GLI2: variants seen among roughly 807,000 people sequenced by gnomAD.
The protein encoded by GLI2 is GLI family zinc finger 2.
GLI2 carries 22 observed loss-of-function variants against 78.9 expected under a neutral mutation model. That is an observed-to-expected ratio of 0.28 (90% CI 0.20 to 0.40). GLI2 has a LOEUF of 0.40. Ranked by LOEUF, GLI2 falls within the 10% of genes least tolerant of loss-of-function variation. GLI2 has a pLI of 1.00. For missense variants in GLI2, 2,097 were observed against 2,213.2 expected, an observed-to-expected ratio of 0.95 and a Z score of 1.05; for synonymous variants, 974 against 963.7, an observed-to-expected ratio of 1.01 and a Z score of -0.20.
At chr2:120,951,149 C>A in intron 3 of GLI2, 94 bp from the exon 4 acceptor site, 1 of 787,586 alleles carries the variant, frequency 1.3e-6, no homozygotes, top group Non-Finnish European at 2.3e-6. Flanking sequence ...AAAGTCTTTC[C>A]AGGAGAGACA....
At chr2:120,796,696 C>T (rs1375366164) in intron 1 of GLI2, among the ~76,000 whole-genome samples, 1 of 152,206 alleles carries the variant, frequency 6.6e-6, no homozygotes, top group Non-Finnish European at 1.5e-5. Flanking sequence ...TTGTTTGCCC[C>T]CAAGGAGAAT....
intron 1 of GLI2, among the ~76,000 whole-genome samples, chr2:120,783,144 G>A (rs949618755): frequency 7.2e-5 from 11 of 152,200 alleles, no homozygotes; most frequent in African/African-American, 2.7e-4. Context: ...ACAATAATCA[G>A]CTCTGGGGCA....
At chr2:120,910,856 A>G (rs1009845164) in intron 2 of GLI2, among the ~76,000 whole-genome samples, 1 of 152,242 alleles carries the variant, frequency 6.6e-6, no homozygotes, top group South Asian at 2.1e-4. Flanking sequence ...TGGCAGACCC[A>G]TTCTGTTTTA....
intron 2 of GLI2, among the ~76,000 whole-genome samples, chr2:120,861,513 C>T (rs1413274743): frequency 6.6e-6 from 1 of 152,212 alleles, no homozygotes; most frequent in East Asian, 1.9e-4. Context: ...AGATCTTTTG[C>T]TCACTCAACT....
intron 1 of GLI2, among the ~76,000 whole-genome samples, chr2:120,742,722 G>T (rs1209519586): frequency 6.8e-5 from 10 of 147,652 alleles, no homozygotes; most frequent in African/African-American, 2.5e-4. Flanking sequence ...TTTCTCCATT[G>T]AGCACGTACA....
chr2:120,975,142 G>A (rs575998331), intron 9 of GLI2, 33 bp downstream of exon 9: 170 of 1,609,694 alleles, frequency 1.1e-4, no homozygotes, highest in Middle Eastern at 1.7e-4. Flanking sequence ...CCCGCCAACC[G>A]GGGCACGGCC....
chr2:120,963,541 G>A (rs1316139349), intron 5 of GLI2, among the ~76,000 whole-genome samples: 1 of 151,624 alleles, frequency 6.6e-6, no homozygotes, highest in Admixed American at 6.6e-5. Context: ...TCCACCTGGG[G>A]TGTTTGTGTG....
chr2:120,886,760 G>A (rs887504884), intron 2 of GLI2, among the ~76,000 whole-genome samples: 7 of 152,212 alleles, frequency 4.6e-5, no homozygotes, highest in Non-Finnish European at 7.3e-5. Flanking sequence ...GCCCCAAGCC[G>A]CACCTGGTGG....
intron 2 of GLI2, among the ~76,000 whole-genome samples, chr2:120,849,153 AGAATC>A (rs1354751663): frequency 6.6e-6 from 1 of 152,228 alleles, no homozygotes; most frequent in African/African-American, 2.4e-5. Context: ...GACAGAAAGT[AGAATC>A]GCAGCTGTCA....
At chr2:120,982,287 T>C (rs1682748653) in intron 10 of GLI2, among the ~76,000 whole-genome samples, 1 of 152,234 alleles carries the variant, frequency 6.6e-6, no homozygotes, top group Non-Finnish European at 1.5e-5. Context: ...ATTCTCAGCA[T>C]GTTTTAGAGC....
intron 2 of GLI2, among the ~76,000 whole-genome samples, chr2:120,897,699 C>A (rs1313393684): frequency 6.6e-6 from 1 of 152,126 alleles, no homozygotes; most frequent in Non-Finnish European, 1.5e-5. Flanking sequence ...CCCATTTAGG[C>A]CTTGCCGTTA....
chr2:120,878,710 G>A (rs564751120), intron 2 of GLI2, among the ~76,000 whole-genome samples: 1 of 152,120 alleles, frequency 6.6e-6, no homozygotes, highest in African/African-American at 2.4e-5. Context: ...CAAGGCAGGC[G>A]GATCACAGGT....
chr2:120,772,920 C>T (rs1683565304), intron 1 of GLI2, among the ~76,000 whole-genome samples: 1 of 152,182 alleles, frequency 6.6e-6, no homozygotes, highest in East Asian at 1.9e-4. Context: ...GCAAGGTCTC[C>T]TTCCTCTGAG....
chr2:120,769,010 G>A (rs954757880), intron 1 of GLI2, among the ~76,000 whole-genome samples: 6 of 152,148 alleles, frequency 3.9e-5, no homozygotes, highest in Non-Finnish European at 8.8e-5. Context: ...CCCCAGGCTG[G>A]CCAGGCCCTA....
chr2:120,967,937 G>A (rs759001028), intron 5 of GLI2, among the ~76,000 whole-genome samples: 6 of 152,180 alleles, frequency 3.9e-5, no homozygotes, highest in Non-Finnish European at 5.9e-5. Context: ...CAGACATTGC[G>A]AAGAGTCTGG....
chr2:120,904,336 G>T (rs1678410678), intron 2 of GLI2, among the ~76,000 whole-genome samples: 1 of 152,156 alleles, frequency 6.6e-6, no homozygotes, highest in Non-Finnish European at 1.5e-5. Flanking sequence ...TGCCTGCTGT[G>T]GGGGCAGCCC....
At chr2:120,970,746 C>A in intron 7 of GLI2, 140 bp downstream of exon 7, 1 of 714,596 alleles carries the variant, frequency 1.4e-6, no homozygotes. Context: ...TGGGCAGAGG[C>A]CACGTTACAG....
rs111768158 is a variant in GLI2, at chr2:120,796,950, T to A, written c.-30-341T>A. ...GTCATTGTCACTATATTTGTTTTTATTTTCCCCATGATTCACAGACAGAGG... is the reference window on the plus strand; with the variant it reads ...GTCATTGTCACTATATTTGTTTTTAATTTCCCCATGATTCACAGACAGAGG... On this transcript the variant is annotated intron_variant, in intron 1 of 13. Transcript: ENST00000361492. Among the ~76,000 whole-genome samples the A allele has an allele frequency of 2.4e-4, 36 of 152,338 alleles. 2 individuals are homozygous for A. The highest frequency in any genetic ancestry group is 8.7e-4 in the African/African-American group (36 of 41,574).
intron 1 of GLI2, among the ~76,000 whole-genome samples, chr2:120,748,501 G>A (rs928389350): frequency 1.3e-5 from 2 of 152,156 alleles, no homozygotes; most frequent in African/African-American, 4.8e-5. Context: ...GACAGGGTGT[G>A]GCATTTCTGG....
Sources: allele counts gnomAD v4.1 joint callset (sites outside exome capture counted in the v4.1 genomes callset), GRCh38; gene constraint gnomAD v4.1.1; transcripts MANE v1.5; gene names NCBI Gene and HGNC (gene_info 2026-07-23, HGNC 2026-07-21).